The following C8orf90 variants were observed in gnomAD, a reference collection of about 807,000 sequenced individuals.
C8orf90 encodes uncharacterized protein C8orf90.
At chr8:141,518,226 G>GC in the C8orf90 span, 1 of 590,854 alleles carries the variant, frequency 1.7e-6, no homozygotes, top group Non-Finnish European at 3.0e-6. Flanking sequence ...GTCCCGCGGC[G>GC]CCCCCGGAGC....
At chr8:141,518,375 TC>T in the C8orf90 span, 377 of 675,090 alleles carry the variant, frequency 5.6e-4, no homozygotes, top group South Asian at 7.6e-4. Context: ...ACGCTGCCCT[TC>T]CCGTTCGCCT....
the C8orf90 span, among the ~76,000 whole-genome samples, chr8:141,515,429 C>A: frequency 1.6e-5 from 2 of 121,674 alleles, no homozygotes; most frequent in Non-Finnish European, 3.5e-5. Flanking sequence ...AAGACCCTGG[C>A]CCCTGCCCTG....
the C8orf90 span, among the ~76,000 whole-genome samples, chr8:141,516,291 A>G: frequency 2.6e-5 from 4 of 152,220 alleles, no homozygotes; most frequent in South Asian, 2.1e-4. Context: ...TCTCTGCTCC[A>G]CATTCAGAGC....
chr8:141,515,997 C>T, the C8orf90 span, among the ~76,000 whole-genome samples: 1 of 152,184 alleles, frequency 6.6e-6, no homozygotes, highest in African/African-American at 2.4e-5. Context: ...AAGCTGAAGG[C>T]ATTGGAAGAG....
the C8orf90 span, chr8:141,518,304 C>A: frequency 1.5e-6 from 1 of 666,904 alleles, no homozygotes; most frequent in African/African-American, 1.9e-5. Context: ...GCATCGGGCG[C>A]GCCTACCGCG....
the C8orf90 span, among the ~76,000 whole-genome samples, chr8:141,515,464 C>A: frequency 6.6e-6 from 1 of 150,546 alleles, no homozygotes; most frequent in Non-Finnish European, 1.5e-5. Context: ...CTCCTGTCAT[C>A]CTATTGGTGA....
chr8:141,518,152 C>T, the C8orf90 span: 2,372 of 530,174 alleles, frequency 4.5e-3, 45 homozygotes, highest in African/African-American at 0.043. Context: ...TGGTCTCCCG[C>T]CTGCGCGGGC....
chr8:141,514,746 CT>C, the C8orf90 span: 1 of 701,622 alleles, frequency 1.4e-6, no homozygotes. Flanking sequence ...CTGCCCCCTC[CT>C]TCTGTAGCCA....
the C8orf90 span, chr8:141,518,211 C>T: frequency 6.9e-6 from 4 of 579,762 alleles, no homozygotes; most frequent in Non-Finnish European, 1.2e-5. Context: ...CCCCTCCGCC[C>T]GCAGGTCCCG....
the C8orf90 span, chr8:141,518,548 C>G: frequency 2.0e-6 from 1 of 508,550 alleles, no homozygotes; most frequent in South Asian, 2.7e-5. Flanking sequence ...GCGCCTGGAG[C>G]GGCTGGCCCT....
the C8orf90 span, chr8:141,514,903 C>G: frequency 4.9e-6 from 3 of 615,058 alleles, 1 homozygote; most frequent in Non-Finnish European, 8.8e-6. Flanking sequence ...AGGAGAGTGG[C>G]AGTGGGGCTG....
At chr8:141,516,660 T>C in the C8orf90 span, among the ~76,000 whole-genome samples, 2 of 152,094 alleles carry the variant, frequency 1.3e-5, no homozygotes, top group Admixed American at 6.5e-5. Context: ...ATTCATCTAG[T>C]TTTGTGGCTT....
the C8orf90 span, among the ~76,000 whole-genome samples, chr8:141,515,669 G>A: frequency 6.6e-6 from 1 of 151,650 alleles, no homozygotes; most frequent in Non-Finnish European, 1.5e-5. Flanking sequence ...CACCTGTCTG[G>A]CCTCCTCCAC....
chr8:141,514,818 G>A, the C8orf90 span: 7 of 694,064 alleles, frequency 1.0e-5, no homozygotes, highest in South Asian at 1.1e-4. Context: ...GGGCACCTGG[G>A]GCTCTGAGAA....
the C8orf90 span, among the ~76,000 whole-genome samples, chr8:141,515,253 T>C: frequency 2.3e-4 from 1 of 4,338 alleles, no homozygotes; most frequent in South Asian, 0.025. Context: ...CATCCATGCA[T>C]CCATCCATCC....
chr8:141,517,762 C>T, the C8orf90 span, among the ~76,000 whole-genome samples: 2 of 152,160 alleles, frequency 1.3e-5, no homozygotes, highest in African/African-American at 4.8e-5. Context: ...GAAGCTGGGC[C>T]CCCAAAGTCC....
At chr8:141,518,715 A>AAG in the C8orf90 span, 1 of 493,656 alleles carries the variant, frequency 2.0e-6, no homozygotes, top group East Asian at 3.6e-5. Flanking sequence ...AGAATAAATA[A>AAG]AGAGTTTCCC....
At chr8:141,515,491 G>A in the C8orf90 span, among the ~76,000 whole-genome samples, 11 of 149,860 alleles carry the variant, frequency 7.3e-5, no homozygotes, top group East Asian at 4.0e-4. Flanking sequence ...TCAGCCCCTC[G>A]GACTCCTGTA....
the C8orf90 span, among the ~76,000 whole-genome samples, chr8:141,516,926 C>G: frequency 6.6e-6 from 1 of 152,212 alleles, no homozygotes; most frequent in East Asian, 1.9e-4. Context: ...GAAAGACTAG[C>G]CCAGGCCCTG....
Sources: allele counts gnomAD v4.1 joint callset (sites outside exome capture counted in the v4.1 genomes callset), GRCh38; gene constraint gnomAD v4.1.1; transcripts MANE v1.5; gene names NCBI Gene and HGNC (gene_info 2026-07-23, HGNC 2026-07-21).